C1QTNF3: variants seen among roughly 807,000 people sequenced by gnomAD.
C1QTNF3 encodes the protein complement C1q tumor necrosis factor-related protein 3.
A neutral mutation model predicts 32.6 loss-of-function variants in C1QTNF3; 26 were observed. The observed-to-expected ratio is 0.80, with a 90% CI of 0.58 to 1.11. C1QTNF3 has a LOEUF of 1.11. C1QTNF3 is among the 50% of genes least tolerant of loss of function. The probability of loss-of-function intolerance (pLI) is 0.00; values close to 1 mark genes in which losing one functional copy is unlikely to be tolerated. For missense variants in C1QTNF3, 362 were observed against 398.2 expected (o/e 0.91, Z 0.77); for synonymous variants, 155 against 146.0 (o/e 1.06, Z -0.44).
At chr5:34,098,756 G>C in the C1QTNF3 span, among the ~76,000 whole-genome samples, 41 of 151,764 alleles carry the variant, frequency 2.7e-4, no homozygotes, top group Admixed American at 2.7e-3. Flanking sequence ...TGAGGAGTAT[G>C]TGTTTCACTA....
chr5:34,115,237 A>C, the C1QTNF3 span, among the ~76,000 whole-genome samples: 21 of 152,340 alleles, frequency 1.4e-4, no homozygotes, highest in East Asian at 4.0e-3. Flanking sequence ...TAAGCAATCT[A>C]AATGAGTATT....
the C1QTNF3 span, among the ~76,000 whole-genome samples, chr5:34,207,819 A>G: frequency 6.7e-6 from 1 of 150,146 alleles, no homozygotes; most frequent in South Asian, 2.1e-4. Flanking sequence ...ACAGAGTCTC[A>G]CTCAGTCACC....
the C1QTNF3 span, among the ~76,000 whole-genome samples, chr5:34,054,153 T>C: frequency 1.3e-5 from 2 of 152,068 alleles, no homozygotes; most frequent in East Asian, 3.8e-4. Flanking sequence ...AGATGGGGAG[T>C]TCAATAGGAT....
At chr5:34,099,434 T>A in the C1QTNF3 span, among the ~76,000 whole-genome samples, 2 of 152,188 alleles carry the variant, frequency 1.3e-5, no homozygotes, top group African/African-American at 4.8e-5. Context: ...TTGCTAAATT[T>A]AAAAAATCAT....
chr5:34,070,092 CTTA>C, the C1QTNF3 span, among the ~76,000 whole-genome samples: 1 of 152,184 alleles, frequency 6.6e-6, no homozygotes, highest in Admixed American at 6.5e-5. Flanking sequence ...ATCTCCTGTT[CTTA>C]TTGGATACAC....
chr5:34,222,155 TA>T, the C1QTNF3 span, among the ~76,000 whole-genome samples: 2 of 152,036 alleles, frequency 1.3e-5, no homozygotes, highest in South Asian at 2.1e-4. Flanking sequence ...AATCAGATAT[TA>T]GGGGAAAAAA....
At chr5:34,039,496 T>C (rs1241174360) in intron 1 of C1QTNF3, among the ~76,000 whole-genome samples, 1 of 152,202 alleles carries the variant, frequency 6.6e-6, no homozygotes, top group African/African-American at 2.4e-5. Context: ...GGATTCACTT[T>C]TGGTAACAGC....
the C1QTNF3 span, among the ~76,000 whole-genome samples, chr5:34,240,418 A>G: frequency 6.6e-6 from 1 of 151,428 alleles, no homozygotes; most frequent in African/African-American, 2.4e-5. Context: ...AAATATATAA[A>G]TCAGAATGAC....
chr5:34,084,428 C>T, the C1QTNF3 span, among the ~76,000 whole-genome samples: 1 of 151,682 alleles, frequency 6.6e-6, no homozygotes. Flanking sequence ...TATCTCTATC[C>T]AATTCCTGGA....
the C1QTNF3 span, among the ~76,000 whole-genome samples, chr5:34,169,562 T>C: frequency 9.2e-5 from 14 of 152,310 alleles, no homozygotes; most frequent in African/African-American, 2.4e-4. Context: ...ATTTTATAGA[T>C]TGCCTTTTCG....
At chr5:34,237,486 C>A in the C1QTNF3 span, among the ~76,000 whole-genome samples, 1 of 152,130 alleles carries the variant, frequency 6.6e-6, no homozygotes, top group Non-Finnish European at 1.5e-5. Flanking sequence ...GCTGGGATCA[C>A]ACTGCATAAG....
At chr5:34,123,130 G>T in the C1QTNF3 span, among the ~76,000 whole-genome samples, 2 of 152,210 alleles carry the variant, frequency 1.3e-5, no homozygotes, top group Non-Finnish European at 2.9e-5. Context: ...TCCAGGCAGA[G>T]AACCCACAGG....
the C1QTNF3 span, among the ~76,000 whole-genome samples, chr5:34,154,180 A>G: frequency 3.4e-4 from 52 of 152,314 alleles, 1 homozygote; most frequent in South Asian, 7.9e-3. Flanking sequence ...ATCATCGGAA[A>G]TTGAAATTTG....
the C1QTNF3 span, among the ~76,000 whole-genome samples, chr5:34,061,914 TCTC>T: frequency 1.3e-5 from 2 of 152,212 alleles, no homozygotes; most frequent in Non-Finnish European, 2.9e-5. Context: ...GGCTTGGATT[TCTC>T]CTCAGAAAAT....
chr5:34,173,118 T>C, the C1QTNF3 span, among the ~76,000 whole-genome samples: 1 of 152,178 alleles, frequency 6.6e-6, no homozygotes, highest in Non-Finnish European at 1.5e-5. Context: ...CACTAAAGTA[T>C]ATAAGATTTT....
At chr5:34,197,117 C>T in the C1QTNF3 span, among the ~76,000 whole-genome samples, 1 of 152,424 alleles carries the variant, frequency 6.6e-6, no homozygotes, top group South Asian at 2.1e-4. Context: ...AAATGAAATA[C>T]TAAGTTAAGT....
At chr5:34,173,777 G>C in the C1QTNF3 span, among the ~76,000 whole-genome samples, 3 of 145,716 alleles carry the variant, frequency 2.1e-5, no homozygotes, top group African/African-American at 7.7e-5. Context: ...ATCTCATTTT[G>C]AATGCTATAG....
Position 34,036,952 on chromosome 5 carries a change from C to CA in C1QTNF3, c.304-1195dup, listed in dbSNP as rs201796642. ...GGGCGACAAGAGCAAGACACAGTCT[C>CA]AAAAAAAAAAAATTGTGAAATGATT... is the stretch of plus-strand genomic sequence containing the variant. On this transcript the variant is annotated intron_variant, in intron 1 of 5. Transcript: ENST00000382065. 2.0e-3 allele frequency among the ~76,000 whole-genome samples: 287 copies of CA among 141,968 alleles called. 2 individuals are homozygous for CA. In the South Asian group the frequency reaches 0.039, roughly 19 times the overall value. The allele number at this position is 141,968 out of a possible 152,430, so 93.1% of individuals were successfully genotyped here. A position where few individuals can be genotyped will look rare whatever the true frequency, so the allele number is the denominator to read the frequency against.
the C1QTNF3 span, among the ~76,000 whole-genome samples, chr5:34,134,275 A>C: frequency 6.6e-6 from 1 of 152,006 alleles, no homozygotes; most frequent in East Asian, 1.9e-4. Context: ...GTCATTTCTG[A>C]GGTCTCCTTG....
Sources: allele counts gnomAD v4.1 joint callset (sites outside exome capture counted in the v4.1 genomes callset), GRCh38; gene constraint gnomAD v4.1.1; transcripts MANE v1.5; gene names NCBI Gene and HGNC (gene_info 2026-07-23, HGNC 2026-07-21).